The following DMD variants were observed in gnomAD, a reference collection of about 807,000 sequenced individuals.
The protein encoded by DMD is dystrophin, also known as mutant dystrophin.
DMD carries 63 observed loss-of-function variants against 330.1 expected under a neutral mutation model. The ratio of observed to expected loss-of-function variants is 0.19; its 90% confidence interval spans 0.16 to 0.24. The LOEUF (loss-of-function observed/expected upper bound fraction) is 0.24. Among genes scored for constraint, DMD ranks in the 10% least tolerant of loss-of-function variants. DMD has a pLI of 1.00. For synonymous variants in DMD, 1,223 were observed against 959.8 expected (o/e 1.27, Z -5.07); for missense variants, 3,344 against 2,684.1 (o/e 1.25, Z -5.43).
intron 1 of DMD, among the ~76,000 whole-genome samples, chrX:33,179,663 T>C (rs185004051): frequency 0.059 from 6,129 of 103,618 alleles, 157 homozygotes; most frequent in South Asian, 0.072. Context: ...CACTGCACTC[T>C]AGCCTGGGTG....
chrX:33,036,513 A>G (rs1381473145), intron 1 of DMD, among the ~76,000 whole-genome samples: 2 of 110,979 alleles, frequency 1.8e-5, no homozygotes, highest in Admixed American at 9.7e-5. Flanking sequence ...TGCAATTACT[A>G]TCAATATAGA....
Position 31,522,359 on chromosome X carries a change from C to CTATA in DMD, c.8218-14907_8218-14906insTATA, listed in dbSNP as rs1163138588. On this transcript the variant is annotated intron_variant, in intron 55 of 78. Coordinates refer to ENST00000357033, the MANE Select transcript of DMD (RefSeq NM_004006.3). ...TCTCTCTCTCTCTCTCTCTCTCTCT[C>CTATA]TCTCTATATATATATATATATATAT... Among the ~76,000 whole-genome samples the CTATA allele has an allele frequency of 2.5e-3, 133 of 53,954 alleles. 1 individual carries two copies. Among genetic ancestry groups the CTATA allele is most frequent in the South Asian group, 5.9e-3 (6 of 1,022 alleles). The allele number at this position is 53,954 out of a possible 115,157, so 46.9% of individuals were successfully genotyped here.
chrX:32,652,071 G>A (rs2060196239), intron 9 of DMD, among the ~76,000 whole-genome samples: 2 of 111,165 alleles, frequency 1.8e-5, no homozygotes, highest in South Asian at 3.8e-4. Context: ...ACACATATGG[G>A]GTATTTTAGT....
At chrX:32,208,414 C>A (rs1364113106) in intron 44 of DMD, among the ~76,000 whole-genome samples, 2 of 111,798 alleles carry the variant, frequency 1.8e-5, no homozygotes, top group African/African-American at 6.5e-5. Flanking sequence ...CAAAAGGAGC[C>A]AGGCTAGAAG....
rs775112416 is a variant in DMD at position 32,367,167 on chromosome X, T to C, written c.4846-1968A>G. On this transcript the variant is annotated intron_variant, in intron 34 of 78. Transcript: ENST00000357033. Reference sequence around the variant, plus strand: ...TTAGAGCTTAACTTCAGAGTAGACATAGACTAGATTTTATTCCTTTTAATA... The same window carrying C: ...TTAGAGCTTAACTTCAGAGTAGACACAGACTAGATTTTATTCCTTTTAATA... 2.1e-4 allele frequency among the ~76,000 whole-genome samples: 24 copies of C among 111,845 alleles called. 1 individual carries two copies. Among genetic ancestry groups the C allele is most frequent in the African/African-American group, 7.5e-4 (23 of 30,827 alleles).
rs541763878 is a variant in DMD at position 32,299,811 on chromosome X, A to G, written c.6117+10271T>C. Among the ~76,000 whole-genome samples the G allele has an allele frequency of 8.1e-5, 9 of 111,056 alleles. No homozygotes were observed. The South Asian group carries it at 3.4e-3, about 42-fold the overall frequency. On this transcript the variant is annotated intron_variant, in intron 42 of 78. Transcript: ENST00000357033. ...TAGAATGTGTCCTGGCACAAAAATA[A>G]TAACTGTCAGCTATTACATTCAAGA...
intron 44 of DMD, among the ~76,000 whole-genome samples, chrX:32,085,679 C>T (rs201341846): frequency 0.23 from 18,529 of 78,850 alleles, 2,153 homozygotes; most frequent in East Asian, 0.34. Flanking sequence ...TATACACACG[C>T]GTATATATAT....
chrX:31,204,772 G>A (rs2043898633), intron 66 of DMD, among the ~76,000 whole-genome samples: 1 of 112,088 alleles, frequency 8.9e-6, no homozygotes, highest in African/African-American at 3.2e-5. Flanking sequence ...ACAGGCACAT[G>A]CCATCACACC....
intron 2 of DMD, among the ~76,000 whole-genome samples, chrX:32,939,326 A>G (rs754562004): frequency 1.9e-4 from 21 of 109,496 alleles, no homozygotes; most frequent in Non-Finnish European, 3.6e-4. Context: ...ACATTCTAAG[A>G]AACACTAATG....
chrX:32,503,050 A>G (rs1345387741), intron 18 of DMD, among the ~76,000 whole-genome samples: 1 of 112,176 alleles, frequency 8.9e-6, no homozygotes, highest in Admixed American at 9.4e-5. Context: ...GTTACATGTG[A>G]CCAGTGTTAA....
chrX:32,096,891 T>G (rs6631492), intron 44 of DMD, among the ~76,000 whole-genome samples: 31,767 of 111,127 alleles, frequency 0.29, 3,650 homozygotes, highest in East Asian at 0.5. Context: ...CAGATTTGCA[T>G]ATTTCTAATG....
chrX:33,120,032 G>A (rs758032870), intron 1 of DMD, among the ~76,000 whole-genome samples: 7 of 111,345 alleles, frequency 6.3e-5, no homozygotes, highest in Non-Finnish European at 1.3e-4. Flanking sequence ...AAGTCATCCC[G>A]TGTGAGTTTC....
chrX:31,842,820 C>T (rs748688121), intron 48 of DMD, among the ~76,000 whole-genome samples: 2 of 111,665 alleles, frequency 1.8e-5, no homozygotes, highest in African/African-American at 6.5e-5. Flanking sequence ...GATCCTGTCA[C>T]TGAGATAGTG....
chrX:31,564,288 T>G (rs1008926385), intron 55 of DMD, among the ~76,000 whole-genome samples: 2 of 112,125 alleles, frequency 1.8e-5, no homozygotes, highest in African/African-American at 6.5e-5. Flanking sequence ...ACATTCTTTA[T>G]GTACTGATAC....
chrX:32,027,183 C>CACACAG (rs774715155), intron 44 of DMD, among the ~76,000 whole-genome samples: 2,194 of 97,427 alleles, frequency 0.023, 51 homozygotes, highest in African/African-American at 0.061. Context: ...CACACACACA[C>CACACAG]AGAGAGAGAG....
At chrX:32,775,569 G>A (rs1184287005) in intron 7 of DMD, among the ~76,000 whole-genome samples, 1 of 113,293 alleles carries the variant, frequency 8.8e-6, no homozygotes, top group Non-Finnish European at 1.9e-5. Context: ...ACCCTCTGAA[G>A]CAATGGTGCA....
chrX:32,837,174 C>G (rs1024621371), intron 4 of DMD, among the ~76,000 whole-genome samples: 2 of 111,958 alleles, frequency 1.8e-5, no homozygotes, highest in Non-Finnish European at 3.8e-5. Flanking sequence ...CGCACAGAAA[C>G]AAAACAGAAC....
In DMD at chrX:32,346,001, T is replaced by A; in HGVS notation, c.5528A>T (p.Lys1843Met). 1 of 1,210,160 alleles carries A rather than the reference T, an allele frequency of 8.3e-7. No individual in the cohort carries two copies. Among genetic ancestry groups the A allele is most frequent in the Non-Finnish European group, 1.1e-6 (1 of 894,422 alleles). ...NLQQRITDER[K>M]REEIKIKQQL... ...CTGTTTTATCTTTATTTCCTCTCGC[T>A]TTCTCTCATCTGTGATTCTTTGTTG... Residue 1843 changes from lysine to methionine, a missense_variant, in exon 39 of 79, where the codon AAG (lysine) becomes ATG (methionine). Physicochemically the swap from Lys to Met is moderately conservative, Grantham distance 95. Transcript: ENST00000357033.
intron 1 of DMD, among the ~76,000 whole-genome samples, chrX:33,091,419 A>G (rs756993541): frequency 8.9e-5 from 10 of 111,766 alleles, no homozygotes; most frequent in African/African-American, 1.3e-4. Flanking sequence ...TTTTTATGTA[A>G]AAGGTTGTAT....
Sources: allele counts gnomAD v4.1 joint callset (sites outside exome capture counted in the v4.1 genomes callset), GRCh38; gene constraint gnomAD v4.1.1; transcripts MANE v1.5; gene names NCBI Gene and HGNC (gene_info 2026-07-23, HGNC 2026-07-21).